Variants in CCDC7 observed in about 807,000 individuals in gnomAD.
The protein encoded by CCDC7 is coiled-coil domain containing 7.
A neutral mutation model predicts 196.9 loss-of-function variants in CCDC7; 183 were observed. The observed-to-expected ratio is 0.93, with a 90% CI of 0.82 to 1.05. The LOEUF (loss-of-function observed/expected upper bound fraction) is 1.05, where lower values mean the gene tolerates loss of function less well. Ranked by LOEUF, CCDC7 falls within the 50% of genes least tolerant of loss-of-function variation. The pLI, the probability that CCDC7 is intolerant of heterozygous loss-of-function variation, is 0.00. For synonymous variants in CCDC7, 525 were observed against 484.6 expected (o/e 1.08, Z -1.10); for missense variants, 1,540 against 1,482.2 (o/e 1.04, Z -0.64).
At chr10:32,726,592 G>T in intron 25 of CCDC7, 142 bp from the exon 27 acceptor site, 1 of 472,820 alleles carries the variant, frequency 2.1e-6, no homozygotes, top group Non-Finnish European at 3.8e-6. Flanking sequence ...TTTAAATTAT[G>T]GTGATTTACT....
intron 11 of CCDC7, among the ~76,000 whole-genome samples, chr10:32,533,633 T>C (rs2050035536): frequency 6.6e-6 from 1 of 152,132 alleles, no homozygotes; most frequent in Non-Finnish European, 1.5e-5. Flanking sequence ...GAGAAGACTT[T>C]ATATCTCCTT....
At chr10:32,858,757 C>A (rs940370866) in intron 41 of CCDC7, among the ~76,000 whole-genome samples, 2 of 151,680 alleles carry the variant, frequency 1.3e-5, no homozygotes, top group East Asian at 1.9e-4. Context: ...CAAAAAAAAA[C>A]CAGGGATTGC....
chr10:32,638,650 T>A (rs2066120031), intron 20 of CCDC7, among the ~76,000 whole-genome samples: 1 of 152,204 alleles, frequency 6.6e-6, no homozygotes, highest in Non-Finnish European at 1.5e-5. Context: ...TATTGAGGAT[T>A]TTTGCATTGA....
upstream of CCDC7, among the ~76,000 whole-genome samples, chr10:32,449,131 A>C (rs2032276122): frequency 6.6e-6 from 1 of 151,814 alleles, no homozygotes; most frequent in Non-Finnish European, 1.5e-5. Flanking sequence ...ATGTATTTTT[A>C]GTCTCTCTGT....
exon 21 of CCDC7, chr10:32,664,159 G>A (rs780687525): frequency 5.8e-5 from 23 of 395,468 alleles, no homozygotes; most frequent in Non-Finnish European, 8.9e-5. Flanking sequence ...AATCAACTCA[G>A]TAGTAAGTGT....
intron 18 of CCDC7, among the ~76,000 whole-genome samples, chr10:32,591,466 A>T (rs980917972): frequency 5.3e-5 from 8 of 151,846 alleles, no homozygotes; most frequent in African/African-American, 1.9e-4. Context: ...CAAAATGGCA[A>T]ATTTAAGAGT....
At chr10:32,780,787 T>C (rs1202543431) in intron 29 of CCDC7, among the ~76,000 whole-genome samples, 1 of 152,186 alleles carries the variant, frequency 6.6e-6, no homozygotes, top group Non-Finnish European at 1.5e-5. Flanking sequence ...TTATCAGTAA[T>C]TATTTTAAAT....
rs184678814 is a variant in CCDC7, at chr10:32,589,316, A to G, written c.1801+5012A>G. On this transcript the variant is annotated intron_variant, in intron 18 of 41. Transcript: ENST00000639629. ...CCTCCAGTTCCATCTATGTTGTTGC[A>G]CATAAACAGGATCTCATTCTTTTTA... Among the ~76,000 whole-genome samples, 16 of 152,272 alleles carry G rather than the reference A, an allele frequency of 1.1e-4. No individual in the cohort carries two copies. In the East Asian group the frequency reaches 2.9e-3, roughly 28 times the overall value.
At chr10:32,720,987 C>G (rs73261237) in intron 25 of CCDC7, among the ~76,000 whole-genome samples, 8,075 of 151,922 alleles carry the variant, frequency 0.053, 718 homozygotes, top group African/African-American at 0.18. Flanking sequence ...CAGCTACTTG[C>G]GGGTGCTGAA....
chr10:32,699,770 A>C (rs9663199), intron 24 of CCDC7, among the ~76,000 whole-genome samples: 52,611 of 148,938 alleles, frequency 0.35, 11,985 homozygotes, highest in Non-Finnish European at 0.49. Flanking sequence ...ATGGTATCTC[A>C]TTGTGGTTTT....
chr10:32,880,022 ATATATT>A (rs1195268557), downstream of CCDC7, among the ~76,000 whole-genome samples: 1 of 152,048 alleles, frequency 6.6e-6, no homozygotes, highest in African/African-American at 2.4e-5. Flanking sequence ...ACATTTGCAT[ATATATT>A]TATAATAGAA....
In CCDC7 at chr10:32,867,717, CTG is replaced by C. The variant is rs1352384283; in HGVS notation, c.4112-8628_4112-8627del. The stretch of plus-strand genomic sequence containing the variant: ...GAAATAATTCTCATTAAAGATAAAA[CTG>C]TTTATATTGTTTATTTTTAAAATTA... On this transcript the variant is annotated intron_variant, in intron 41 of 41. Transcript: ENST00000639629. 3.3e-5 allele frequency among the ~76,000 whole-genome samples: 5 copies of C among 151,708 alleles called. No homozygotes were observed. In the East Asian group the frequency reaches 7.8e-4, roughly 24 times the overall value.
At chr10:32,854,331 T>G (rs2093671302) in intron 40 of CCDC7, 69 bp from the exon 42 acceptor site, 2 of 939,064 alleles carry the variant, frequency 2.1e-6, no homozygotes, top group South Asian at 3.2e-5. Context: ...AAGATTTATT[T>G]TAACATTTTA....
chr10:32,505,092 C>T lies in CCDC7; in HGVS notation c.873-12853C>T, dbSNP rs151130867. Reference sequence around the variant, plus strand: ...TGTATGTATTCAGGTAGTCTTATCTCGATGCATATTATTTAAAATTGTTAT... The same window carrying T: ...TGTATGTATTCAGGTAGTCTTATCTTGATGCATATTATTTAAAATTGTTAT... On this transcript the variant is annotated intron_variant, in intron 9 of 41. Transcript: ENST00000639629. Among the ~76,000 whole-genome samples, 7 of 152,110 alleles carry T rather than the reference C, an allele frequency of 4.6e-5. No individual in the cohort carries two copies. The East Asian group carries it at 5.8e-4, about 13-fold the overall frequency.
chr10:32,656,202 C>T (rs1115837), intron 20 of CCDC7, among the ~76,000 whole-genome samples: 140,637 of 152,240 alleles, frequency 0.92, 65,937 homozygotes, highest in East Asian at 1. Context: ...AAATTAAAAA[C>T]AGAATTACCA....
rs1008785106 is a variant in CCDC7, at chr10:32,784,968, C to T, written c.3013+5884C>T. On this transcript the variant is annotated intron_variant, in intron 29 of 41. Coordinates refer to ENST00000639629, the Ensembl canonical transcript of CCDC7. ...AGTGAGCAGAGATTGCGCCACTGCA[C>T]TCCAGCCTGGGAGAGAGAGCAAGAC... Among the ~76,000 whole-genome samples, 14 of 152,104 alleles carry T rather than the reference C, an allele frequency of 9.2e-5. No homozygotes were observed. In the South Asian group the frequency reaches 2.7e-3, roughly 29 times the overall value.
chr10:32,654,770 T>A (rs1365632294), intron 20 of CCDC7, among the ~76,000 whole-genome samples: 1 of 152,206 alleles, frequency 6.6e-6, no homozygotes, highest in Non-Finnish European at 1.5e-5. Context: ...AGGTGAGAGA[T>A]CTGGGAATAT....
intron 9 of CCDC7, among the ~76,000 whole-genome samples, chr10:32,503,045 T>G (rs1269403255): frequency 6.6e-6 from 1 of 152,202 alleles, no homozygotes; most frequent in Non-Finnish European, 1.5e-5. Flanking sequence ...TGCAAGTTTT[T>G]GGGGACATCT....
At chr10:32,489,395 T>C (rs186445081) in intron 8 of CCDC7, among the ~76,000 whole-genome samples, 33 of 152,094 alleles carry the variant, frequency 2.2e-4, no homozygotes, top group Non-Finnish European at 3.5e-4. Context: ...TGGGCTAGCT[T>C]GTTGTGGTGG....
Sources: allele counts gnomAD v4.1 joint callset (sites outside exome capture counted in the v4.1 genomes callset), GRCh38; gene constraint gnomAD v4.1.1; transcripts MANE v1.5; gene names NCBI Gene and HGNC (gene_info 2026-07-23, HGNC 2026-07-21).